RIMBP2: variants seen among roughly 807,000 people sequenced by gnomAD.
RIMBP2 encodes the protein RIMS-binding protein 2.
A neutral mutation model predicts 118.6 loss-of-function variants in RIMBP2; 48 were observed. The observed-to-expected ratio is 0.40, with a 90% CI of 0.32 to 0.51. The LOEUF is 0.51. Ranked by LOEUF, RIMBP2 falls within the 20% of genes least tolerant of loss-of-function variation. RIMBP2 has a pLI of 0.41. For synonymous variants in RIMBP2, 762 were observed against 742.9 expected, an observed-to-expected ratio of 1.03 and a Z score of -0.42; for missense variants, 1,551 against 1,768.3, an observed-to-expected ratio of 0.88 and a Z score of 2.20.
chr12:130,411,244 T>C (rs868388530), intron 19 of RIMBP2, among the ~76,000 whole-genome samples: 83 of 152,260 alleles, frequency 5.5e-4, no homozygotes, highest in African/African-American at 1.8e-3. Flanking sequence ...GGAACTTTTT[T>C]ATCCTTTGAG....
intron 15 of RIMBP2, chr12:130,425,178 C>A: frequency 4.1e-6 from 1 of 246,480 alleles, no homozygotes; most frequent in Non-Finnish European, 7.7e-6. Flanking sequence ...ACAGTGCCCA[C>A]GGTACCGCTG....
chr12:130,636,707 G>A (rs371777850), intron 1 of RIMBP2, among the ~76,000 whole-genome samples: 13 of 152,278 alleles, frequency 8.5e-5, no homozygotes, highest in South Asian at 2.1e-4. Context: ...TCAGCCTGGC[G>A]TTACAGAGAG....
At chr12:130,673,935 C>A (rs1200675191) in intron 1 of RIMBP2, among the ~76,000 whole-genome samples, 5 of 139,502 alleles carry the variant, frequency 3.6e-5, no homozygotes, top group Admixed American at 2.3e-4. Flanking sequence ...ACGGTGAAAC[C>A]CCATCTCTTT....
chr12:130,507,984 T>G (rs1011298632), intron 3 of RIMBP2, among the ~76,000 whole-genome samples: 3 of 152,196 alleles, frequency 2.0e-5, no homozygotes, highest in Non-Finnish European at 4.4e-5. Context: ...AAAGCTGTTA[T>G]TAAGAGGTCG....
chr12:130,645,293 G>A (rs1335739979), intron 1 of RIMBP2, among the ~76,000 whole-genome samples: 16 of 152,070 alleles, frequency 1.1e-4, no homozygotes, highest in Non-Finnish European at 1.6e-4. Context: ...GTTTCACCAT[G>A]CTGGCCAGGC....
chr12:130,494,037 C>T (rs773809090), intron 4 of RIMBP2, among the ~76,000 whole-genome samples: 6 of 152,164 alleles, frequency 3.9e-5, no homozygotes, highest in Non-Finnish European at 7.3e-5. Flanking sequence ...GAAAGACAAG[C>T]GTTGATCGGG....
intron 22 of RIMBP2, 87 bp downstream of exon 22, chr12:130,399,592 G>T: frequency 6.8e-7 from 1 of 1,473,306 alleles, no homozygotes; most frequent in South Asian, 1.3e-5. Context: ...TTCGGCCCAA[G>T]ATATAAAAAT....
chr12:130,664,914 G>A (rs1438857609), intron 1 of RIMBP2, among the ~76,000 whole-genome samples: 16 of 151,784 alleles, frequency 1.1e-4, no homozygotes, highest in Admixed American at 1.0e-3. Flanking sequence ...ATTCACAGAG[G>A]CCGGAGGGAC....
chr12:130,408,370 A>G (rs1370414577), intron 19 of RIMBP2, among the ~76,000 whole-genome samples: 1 of 152,240 alleles, frequency 6.6e-6, no homozygotes, highest in Non-Finnish European at 1.5e-5. Flanking sequence ...CACCCAGCCC[A>G]GTGGCTTCCC....
At chr12:130,611,087 G>A (rs371547173) in intron 2 of RIMBP2, among the ~76,000 whole-genome samples, 25 of 152,368 alleles carry the variant, frequency 1.6e-4, no homozygotes, top group African/African-American at 6.0e-4. Flanking sequence ...GCCAGGAGAA[G>A]AGAGCATTGT....
At chr12:130,638,998 T>C (rs2062478540) in intron 1 of RIMBP2, among the ~76,000 whole-genome samples, 1 of 152,126 alleles carries the variant, frequency 6.6e-6, no homozygotes, top group African/African-American at 2.4e-5. Flanking sequence ...TGTACCATAG[T>C]AATAATAGGG....
rs2065971109 is a variant in RIMBP2, at chr12:130,703,771, G to C, written c.-352+12451C>G. Among the ~76,000 whole-genome samples, 1 of 152,152 alleles carries C rather than the reference G, an allele frequency of 6.6e-6. No homozygotes were observed. The highest frequency in any genetic ancestry group is 1.5e-5 in the Non-Finnish European group (1 of 68,036). On this transcript the variant is annotated intron_variant, in intron 1 of 22. Coordinates refer to ENST00000690449, the MANE Select transcript of RIMBP2 (RefSeq NM_001393629.1). The surrounding 1 kb of genome is among the most constrained non-coding windows in gnomAD (Gnocchi z 5.7). Reference sequence around the variant, plus strand: ...GCGTTTGAAACGGTGTTTCCTAGGGGAGAAGAAAGGAAAACAGCACCCACA... The same window carrying C: ...GCGTTTGAAACGGTGTTTCCTAGGGCAGAAGAAAGGAAAACAGCACCCACA...
Position 130,508,176 on chromosome 12 carries a change from C to T in RIMBP2, c.-126-1406G>A, listed in dbSNP as rs543900133. Among the ~76,000 whole-genome samples, 64 of 152,212 alleles carry T rather than the reference C, an allele frequency of 4.2e-4. 2 individuals carry two copies. The South Asian group carries it at 0.013, about 32-fold the overall frequency. The stretch of plus-strand genomic sequence containing the variant: ...GGGTGCAGGTTTGCAGAAAGCATCA[C>T]TTCTTGCATCCTAGCTGTTCAAGAA... On this transcript the variant is annotated intron_variant, in intron 3 of 22. Coordinates refer to ENST00000690449, the MANE Select transcript of RIMBP2 (RefSeq NM_001393629.1).
chr12:130,671,122 C>T lies in RIMBP2; in HGVS notation c.-351-42666G>A, dbSNP rs148930131. On this transcript the variant is annotated intron_variant, in intron 1 of 22. Coordinates refer to ENST00000690449, the MANE Select transcript of RIMBP2 (RefSeq NM_001393629.1). Reference sequence around the variant, plus strand: ...AAGGGGCTAGATGGGGCTGGTGCCACGTTTCCTACCATGAGCACAGATGTG... The same window carrying T: ...AAGGGGCTAGATGGGGCTGGTGCCATGTTTCCTACCATGAGCACAGATGTG... 2.4e-3 allele frequency among the ~76,000 whole-genome samples: 370 copies of T among 152,286 alleles called. 4 individuals carry two copies. Among genetic ancestry groups the T allele is most frequent in the African/African-American group, 7.7e-3 (318 of 41,550 alleles).
chr12:130,416,617 A>G (rs913089423), intron 17 of RIMBP2, among the ~76,000 whole-genome samples: 4 of 152,228 alleles, frequency 2.6e-5, no homozygotes, highest in African/African-American at 9.6e-5. Context: ...AAATTACACA[A>G]ATACTGCAAG....
chr12:130,506,976 TCCTC>T (rs1265448894), intron 3 of RIMBP2, among the ~76,000 whole-genome samples: 1 of 152,022 alleles, frequency 6.6e-6, no homozygotes, highest in Non-Finnish European at 1.5e-5. Flanking sequence ...ACCTCCATCT[TCCTC>T]CCTCCCACCT....
intron 14 of RIMBP2, among the ~76,000 whole-genome samples, chr12:130,432,448 G>A (rs1433893719): frequency 6.6e-6 from 1 of 152,116 alleles, no homozygotes; most frequent in Non-Finnish European, 1.5e-5. Context: ...TTGCTGGCTC[G>A]ACATTTGCTA....
At chr12:130,426,281 AT>A (rs35232987) in intron 15 of RIMBP2, 3,749 of 140,696 alleles carry the variant, frequency 0.027, 77 homozygotes, top group African/African-American at 0.068. Context: ...CATGATTTCT[AT>A]TTTTTTTTTT....
chr12:130,565,790 C>G (rs1010895500), intron 2 of RIMBP2, among the ~76,000 whole-genome samples: 5 of 152,214 alleles, frequency 3.3e-5, no homozygotes, highest in African/African-American at 1.2e-4. Flanking sequence ...ATGAAAAACA[C>G]TGTTAACGAA....
Sources: allele counts gnomAD v4.1 joint callset (sites outside exome capture counted in the v4.1 genomes callset), GRCh38; gene constraint gnomAD v4.1.1; non-coding constraint Gnocchi (gnomAD v3.1); transcripts MANE v1.5; gene names NCBI Gene and HGNC (gene_info 2026-07-23, HGNC 2026-07-21).